The following NRP1 variants were observed in gnomAD, a reference collection of about 807,000 sequenced individuals.
The protein encoded by NRP1 is neuropilin-1.
NRP1 carries 35 observed loss-of-function variants against 106.7 expected under a neutral mutation model. That is an observed-to-expected ratio of 0.33 (90% CI 0.25 to 0.43). The LOEUF (loss-of-function observed/expected upper bound fraction) is 0.43. Ranked by LOEUF, NRP1 falls within the 20% of genes least tolerant of loss-of-function variation. The pLI is 1.00. For missense variants in NRP1, 1,024 were observed against 1,170.4 expected (o/e 0.87, Z 1.83); for synonymous variants, 437 against 417.9 (o/e 1.05, Z -0.56).
chr10:33,208,255 G>A (rs1261215441), intron 9 of NRP1, among the ~76,000 whole-genome samples: 1 of 152,140 alleles, frequency 6.6e-6, no homozygotes. Flanking sequence ...GTCTCATGAT[G>A]TTGCCCAGGC....
At chr10:33,215,251 A>G (rs1838664473) in intron 8 of NRP1, among the ~76,000 whole-genome samples, 1 of 152,106 alleles carries the variant, frequency 6.6e-6, no homozygotes, top group African/African-American at 2.4e-5. Context: ...CCAGCTTAAG[A>G]CTCATGAAGA....
intron 2 of NRP1, among the ~76,000 whole-genome samples, chr10:33,278,798 A>C (rs938290134): frequency 1.3e-5 from 2 of 152,216 alleles, no homozygotes; most frequent in African/African-American, 4.8e-5. Context: ...TCACACATTA[A>C]AAATGTAACC....
intron 2 of NRP1, among the ~76,000 whole-genome samples, chr10:33,321,698 C>A (rs773252092): frequency 2.6e-5 from 4 of 152,188 alleles, no homozygotes; most frequent in African/African-American, 4.8e-5. Flanking sequence ...CTGCTGGTAG[C>A]GTCCAACAGT....
chr10:33,294,223 G>T (rs1391075616), intron 2 of NRP1, among the ~76,000 whole-genome samples: 3 of 152,210 alleles, frequency 2.0e-5, no homozygotes, highest in African/African-American at 7.2e-5. Flanking sequence ...TTCTTAGAAT[G>T]TGAGAATATA....
intron 2 of NRP1, among the ~76,000 whole-genome samples, chr10:33,312,523 G>T (rs1251596685): frequency 6.6e-6 from 1 of 152,192 alleles, no homozygotes; most frequent in East Asian, 1.9e-4. Flanking sequence ...GCTATTGTAG[G>T]AATAAATGAA....
At chr10:33,266,683 T>A (rs1377397304) in intron 3 of NRP1, among the ~76,000 whole-genome samples, 1 of 152,180 alleles carries the variant, frequency 6.6e-6, no homozygotes, top group Non-Finnish European at 1.5e-5. Flanking sequence ...TGTCGAATTG[T>A]AATCCCCAAT....
intron 2 of NRP1, among the ~76,000 whole-genome samples, chr10:33,308,382 T>C (rs1204233807): frequency 6.7e-6 from 1 of 149,550 alleles, no homozygotes; most frequent in Non-Finnish European, 1.5e-5. Flanking sequence ...TTTATATATA[T>C]ACATATATAT....
chr10:33,242,908 TA>T (rs1841129939), intron 6 of NRP1, among the ~76,000 whole-genome samples: 1 of 152,196 alleles, frequency 6.6e-6, no homozygotes, highest in Non-Finnish European at 1.5e-5. Context: ...GGGTTAGTAT[TA>T]TGGCCTACAA....
chr10:33,287,052 T>C (rs1289931775), intron 2 of NRP1, among the ~76,000 whole-genome samples: 1 of 152,102 alleles, frequency 6.6e-6, no homozygotes, highest in Non-Finnish European at 1.5e-5. Context: ...AATTTCAAAG[T>C]CAAATGGTCT....
At chr10:33,181,306 A>G (rs1835671310) in intron 16 of NRP1, among the ~76,000 whole-genome samples, 3 of 152,262 alleles carry the variant, frequency 2.0e-5, no homozygotes, top group Admixed American at 2.0e-4. Context: ...CTTGGGGCAT[A>G]TTAATACTCT....
intron 6 of NRP1, among the ~76,000 whole-genome samples, chr10:33,252,492 C>T (rs1422140855): frequency 6.6e-6 from 1 of 152,130 alleles, no homozygotes; most frequent in Non-Finnish European, 1.5e-5. Context: ...GGTCGAAGCC[C>T]CACTGCCTGC....
intron 2 of NRP1, among the ~76,000 whole-genome samples, chr10:33,318,760 C>T (rs902054815): frequency 1.9e-4 from 27 of 139,522 alleles, no homozygotes; most frequent in African/African-American, 5.6e-4. Context: ...CAAAAGTTAT[C>T]GTGGTTTTGG....
intron 4 of NRP1, among the ~76,000 whole-genome samples, chr10:33,263,044 A>G (rs1243348058): frequency 1.3e-5 from 2 of 152,250 alleles, no homozygotes; most frequent in African/African-American, 4.8e-5. Flanking sequence ...GTCAATGACT[A>G]TAAATGATGT....
At chr10:33,188,575 G>A (rs1564364130) in intron 13 of NRP1, among the ~76,000 whole-genome samples, 1 of 152,026 alleles carries the variant, frequency 6.6e-6, no homozygotes, top group Non-Finnish European at 1.5e-5. Context: ...TCACACTGTG[G>A]TCTTTAAATA....
chr10:33,292,020 T>C (rs1845031542), intron 2 of NRP1, among the ~76,000 whole-genome samples: 2 of 152,270 alleles, frequency 1.3e-5, no homozygotes, highest in South Asian at 2.1e-4. Context: ...CCTCCCATCT[T>C]AGCCTCCAGA....
chr10:33,304,637 G>T (rs1323505595), intron 2 of NRP1, among the ~76,000 whole-genome samples: 1 of 152,080 alleles, frequency 6.6e-6, no homozygotes, highest in Non-Finnish European at 1.5e-5. Flanking sequence ...CTTTCCTTAT[G>T]TTCTCTGGGG....
At chr10:33,253,949 T>C in intron 6 of NRP1, 79 bp downstream of exon 6, 2 of 1,363,042 alleles carry the variant, frequency 1.5e-6, no homozygotes, top group South Asian at 1.4e-5. Flanking sequence ...TTTGGCACAG[T>C]ACCACTTTCT....
At chr10:33,209,586 C>T (rs1266189682) in intron 9 of NRP1, among the ~76,000 whole-genome samples, 4 of 152,250 alleles carry the variant, frequency 2.6e-5, no homozygotes, top group African/African-American at 9.6e-5. Flanking sequence ...AAGCGATTCT[C>T]TTGCCTCAGC....
chr10:33,249,961 C>T (rs1455679705), intron 6 of NRP1, among the ~76,000 whole-genome samples: 2 of 152,062 alleles, frequency 1.3e-5, no homozygotes, highest in African/African-American at 4.8e-5. Flanking sequence ...AAGCTTGTTC[C>T]TGTCTTGATG....
Sources: gnomAD v4.1 joint callset for allele counts (sites outside exome capture counted in the v4.1 genomes callset) on GRCh38, gnomAD v4.1.1 for gene constraint, MANE v1.5 for transcripts, NCBI Gene and HGNC (gene_info 2026-07-23, HGNC 2026-07-21) for gene names.